Variants in BSCL2 observed in about 807,000 individuals in gnomAD.
The protein encoded by BSCL2 is BSCL2 lipid droplet biogenesis associated, seipin.
Under a neutral mutation model 57.4 loss-of-function variants are expected in BSCL2, and 41 were observed. That is an observed-to-expected ratio of 0.71 (90% CI 0.56 to 0.93). The LOEUF is 0.93. Among genes scored for constraint, BSCL2 ranks in the 40% least tolerant of loss-of-function variants. The pLI is 0.00. For synonymous variants in BSCL2, 237 were observed against 227.3 expected, an observed-to-expected ratio of 1.04 and a Z score of -0.38; for missense variants, 539 against 586.7, an observed-to-expected ratio of 0.92 and a Z score of 0.84.
upstream of BSCL2, chr11:62,707,461 C>A: frequency 1.5e-6 from 1 of 684,566 alleles, no homozygotes; most frequent in South Asian, 1.5e-5. Flanking sequence ...GACTCCACTG[C>A]AGGGGCCGTC....
intron 3 of BSCL2, among the ~76,000 whole-genome samples, chr11:62,695,884 T>A (rs1009833498): frequency 6.6e-6 from 1 of 151,028 alleles, no homozygotes; most frequent in Non-Finnish European, 1.5e-5. Flanking sequence ...CAGTCAGAAC[T>A]ATCTGTTGGC....
At position 62,692,385 on chromosome 11, in the gene BSCL2, G is replaced by C. The variant is rs1945335317; in HGVS notation, c.854C>G (p.Thr285Ser). The change falls in exon 6 of 11, where the codon ACT (threonine) becomes AGT (serine). Residue 285 changes from threonine to serine, a missense_variant. By Grantham distance (58) the Thr-to-Ser change is moderately conservative (BLOSUM62 1). Coordinates refer to ENST00000360796, the MANE Select transcript of BSCL2 (RefSeq NM_001122955.4). ...GAYLRIHAHF[T>S]GLRYLLYNFP... ...CCAGTTGGCCCCTCACCTGAGCCCAGTGAAGTGCGCGTGGATGCGGAGGTA... is the reference window on the plus strand; with the variant it reads ...CCAGTTGGCCCCTCACCTGAGCCCACTGAAGTGCGCGTGGATGCGGAGGTA... 6.2e-7 allele frequency: 1 copy of C among 1,614,180 alleles called. No homozygotes were observed. The highest frequency in any genetic ancestry group is 8.5e-7 in the Non-Finnish European group (1 of 1,180,032).
At chr11:62,704,707 C>T (rs1249077327) in intron 2 of BSCL2, among the ~76,000 whole-genome samples, 1 of 152,198 alleles carries the variant, frequency 6.6e-6, no homozygotes, top group Non-Finnish European at 1.5e-5. Context: ...CACTGCACCA[C>T]TGCACTCCAG....
Position 62,690,362 on chromosome 11 carries a change from T to G in BSCL2, c.*5A>C. 1 of 1,613,828 alleles carries G rather than the reference T, an allele frequency of 6.2e-7. No individual in the cohort carries two copies. Among genetic ancestry groups the G allele is most frequent in the Non-Finnish European group, 8.5e-7 (1 of 1,179,986 alleles). On this transcript the variant is annotated 3_prime_UTR_variant, in exon 11 of 11. Coordinates refer to ENST00000360796, the MANE Select transcript of BSCL2 (RefSeq NM_001122955.4). Reference sequence around the variant, plus strand: ...GCTGGAATGTGAGGAGTCTGCCCCTTTTCTTCAGGAACTAGAGCAGGTGGG... The same window carrying G: ...GCTGGAATGTGAGGAGTCTGCCCCTGTTCTTCAGGAACTAGAGCAGGTGGG...
chr11:62,701,809 C>T (rs545380536), intron 3 of BSCL2, among the ~76,000 whole-genome samples: 6 of 138,280 alleles, frequency 4.3e-5, no homozygotes, highest in East Asian at 2.1e-4. Context: ...TCCAGCCTGG[C>T]GACAGAGTGA....
chr11:62,704,162 C>G (rs1188236468), intron 2 of BSCL2, among the ~76,000 whole-genome samples: 27 of 150,310 alleles, frequency 1.8e-4, no homozygotes, highest in Non-Finnish European at 3.6e-4. Context: ...AAGAAGAGAC[C>G]TTGGTGGGGC....
intron 3 of BSCL2, among the ~76,000 whole-genome samples, chr11:62,698,017 C>T (rs1355237966): frequency 6.6e-6 from 1 of 150,390 alleles, no homozygotes; most frequent in Non-Finnish European, 1.5e-5. Context: ...ACGCCATTCT[C>T]CTGCCTCAGT....
chr11:62,706,354 G>A (rs1040925578), intron 1 of BSCL2: 93 of 1,088,850 alleles, frequency 8.5e-5, no homozygotes, highest in Non-Finnish European at 9.3e-5. Flanking sequence ...AGCCGTGGGA[G>A]GCGGGGCTTC....
upstream of BSCL2, chr11:62,709,427 G>C (rs1207307867): frequency 4.4e-6 from 2 of 453,928 alleles, no homozygotes; most frequent in Non-Finnish European, 8.8e-6. Context: ...AACGTGCAAC[G>C]AAGCCAAGTT....
intron 4 of BSCL2, among the ~76,000 whole-genome samples, chr11:62,693,456 A>G (rs1203100315): frequency 1.3e-5 from 2 of 152,090 alleles, no homozygotes; most frequent in African/African-American, 4.8e-5. Flanking sequence ...GTGAGCCGAG[A>G]TCACGCCACT....
At chr11:62,702,380 C>T in intron 3 of BSCL2, 88 bp downstream of exon 3, 2 of 1,248,906 alleles carry the variant, frequency 1.6e-6, no homozygotes, top group Non-Finnish European at 2.3e-6. Context: ...TCTTATTACT[C>T]AATTCCTTCT....
In BSCL2 at chr11:62,691,093, T is replaced by A; in HGVS notation, c.1054A>T (p.Ile352Phe). 1 of 1,614,206 alleles carries A rather than the reference T, an allele frequency of 6.2e-7. No individual in the cohort carries two copies. Among genetic ancestry groups the A allele is most frequent in the Non-Finnish European group, 8.5e-7 (1 of 1,180,032 alleles). ...DNSRKEVQRRISAHQPGPEGQ... is the reference protein window; with the variant it reads ...DNSRKEVQRRFSAHQPGPEGQ... ...CCTTTACCTGGCTGATGAGCAGAGA[T>A]CCTTCGTTGGACTTCCTTCCGGGAA... Residue 352 changes from isoleucine to phenylalanine, a missense_variant, in exon 8 of 11, where the codon ATC becomes TTC. By Grantham distance (21) the Ile-to-Phe change is conservative. Transcript: ENST00000360796.
At chr11:62,703,498 G>A (rs898163174) in intron 2 of BSCL2, among the ~76,000 whole-genome samples, 1 of 151,328 alleles carries the variant, frequency 6.6e-6, no homozygotes. Context: ...GACAACAGGC[G>A]CCTGCCACCA....
chr11:62,704,163 T>C lies in BSCL2; in HGVS notation c.404+1138A>G, dbSNP rs1220686874. Among the ~76,000 whole-genome samples the C allele has an allele frequency of 3.4e-5, 5 of 149,216 alleles. No homozygotes were observed. In the South Asian group the frequency reaches 1.1e-3, roughly 32 times the overall value. On this transcript the variant is annotated intron_variant, in intron 2 of 10. Coordinates refer to ENST00000360796, the MANE Select transcript of BSCL2 (RefSeq NM_001122955.4). ...AAAAAAAGAAGAAGAAGAAGAGACCTTGGTGGGGCACAGTGGCTCACGTCT... is the reference window on the plus strand; with the variant it reads ...AAAAAAAGAAGAAGAAGAAGAGACCCTGGTGGGGCACAGTGGCTCACGTCT...
At chr11:62,706,107 C>A in intron 1 of BSCL2, 2 of 606,070 alleles carry the variant, frequency 3.3e-6, no homozygotes, top group Non-Finnish European at 4.3e-6. Flanking sequence ...ACCGACACGG[C>A]TACACCCCAC....
At chr11:62,709,025 C>T, upstream of BSCL2, 1 of 545,078 alleles carries the variant, frequency 1.8e-6, no homozygotes, top group South Asian at 1.9e-5. Flanking sequence ...AGATATGAGG[C>T]ACCCTTTGCT....
intron 4 of BSCL2, 99 bp from the exon 5 acceptor site, chr11:62,692,896 C>T (rs1945350268): frequency 2.0e-6 from 3 of 1,528,168 alleles, no homozygotes; most frequent in Non-Finnish European, 2.7e-6. Context: ...ATGAAGGCGG[C>T]TTCTTCCTCA....
At chr11:62,701,983 G>C (rs1945657286) in intron 3 of BSCL2, among the ~76,000 whole-genome samples, 1 of 151,978 alleles carries the variant, frequency 6.6e-6, no homozygotes, top group African/African-American at 2.4e-5. Flanking sequence ...TGTTGAGAAA[G>C]AACATTTCTA....
rs1354153325 is a variant in BSCL2, at chr11:62,707,149, T to C, written c.47A>G (p.Glu16Gly). ...VDQKEEAGEK[E>G]VCGDQIKGPD... ...TCCTTTGATCTGGTCTCCGCACACC[T>C]CTTTTTCCCCAGCTTCCTCCTTTTG... Residue 16 changes from glutamate (E) to glycine (G), a missense_variant, in exon 1 of 11, where the codon GAG (glutamate) becomes GGG (glycine). Transcript: ENST00000360796. 6.4e-7 allele frequency: 1 copy of C among 1,554,688 alleles called. No individual in the cohort carries two copies. The highest frequency in any genetic ancestry group is 1.4e-5 in the African/African-American group (1 of 73,516).
Sources: gnomAD v4.1 joint callset for allele counts (sites outside exome capture counted in the v4.1 genomes callset) on GRCh38, gnomAD v4.1.1 for gene constraint, MANE v1.5 for transcripts, NCBI Gene and HGNC (gene_info 2026-07-23, HGNC 2026-07-21) for gene names.